The following ALB variants were observed in gnomAD, a reference collection of about 807,000 sequenced individuals.
ALB encodes the protein serum albumin.
In ALB, 37 loss-of-function variants were observed where a neutral mutation model predicts 74.5. The observed-to-expected ratio is 0.50, with a 90% confidence interval of 0.38 to 0.65. ALB has a LOEUF of 0.65. ALB is among the 30% of genes least tolerant of loss of function. ALB has a pLI of 0.00. For synonymous variants in ALB, 249 were observed against 251.6 expected, an observed-to-expected ratio of 0.99 and a Z score of 0.10; for missense variants, 685 against 718.7, an observed-to-expected ratio of 0.95 and a Z score of 0.54.
chr4:73,408,998 T>C, intron 4 of ALB, 193 bp downstream of exon 4: 1 of 610,344 alleles, frequency 1.6e-6, no homozygotes, highest in East Asian at 2.8e-5. Context: ...TCAAAGATAT[T>C]TTGAAGTTTA....
intron 8 of ALB, 21 bp downstream of exon 8, chr4:73,413,655 T>A (rs1718936540): frequency 1.2e-6 from 2 of 1,611,404 alleles, no homozygotes; most frequent in Non-Finnish European, 1.7e-6. Context: ...AAGAAATTAT[T>A]CTTTTATAGC....
In ALB at chr4:73,415,131, T is replaced by C. The variant is rs747830427; in HGVS notation, c.1155T>C (p.Cys385=). 4 of 1,614,162 alleles carry C rather than the reference T, an allele frequency of 2.5e-6. No homozygotes were observed. The highest frequency in any genetic ancestry group is 8.5e-7 in the Non-Finnish European group (1 of 1,180,018). The change falls in exon 9 of 15, where the codon TGT becomes TGC. Residue 385 remains cysteine (C), a synonymous_variant. Coordinates refer to ENST00000295897, the MANE Select transcript of ALB (RefSeq NM_000477.7). ...ATGAAACCACTCTAGAGAAGTGCTG[T>C]GCCGCTGCAGATCCTCATGAATGCT... The part of the protein sequence containing the change: ...KTYETTLEKC[C]AAADPHECYA...
chr4:73,417,618 C>T lies in ALB; in HGVS notation c.1377C>T (p.Ser459=). ...CAAGAAACCTAGGAAAAGTGGGCAG[C>T]AAATGTTGTAAACATCCTGAAGCAA... ...EVSRNLGKVG[S]KCCKHPEAKR... The change falls in exon 11 of 15, where the codon AGC becomes AGT. Residue 459 remains serine, a synonymous_variant. Coordinates refer to ENST00000295897, the MANE Select transcript of ALB (RefSeq NM_000477.7). 2 of 1,613,710 alleles carry T rather than the reference C, an allele frequency of 1.2e-6. No homozygotes were observed. The highest frequency in any genetic ancestry group is 1.7e-6 in the Non-Finnish European group (2 of 1,179,834).
At position 73,414,983 on chromosome 4, in the gene ALB, T is replaced by C. The variant is rs929671356; in HGVS notation, c.1059-52T>C. On this transcript the variant is annotated intron_variant, in intron 8 of 14. Coordinates refer to ENST00000295897, the MANE Select transcript of ALB (RefSeq NM_000477.7). ...TACTTTTGAGATTAGCTTTGTGATA[T>C]TTTTTGTGCTCATTTGTCCAACAAA... 8 of 1,599,114 alleles carry C rather than the reference T, an allele frequency of 5.0e-6. No homozygotes were observed. The African/African-American group carries it at 6.7e-5, about 13-fold the overall frequency.
In ALB at chr4:73,419,489, T is replaced by A; in HGVS notation, c.1653-18T>A. The A allele has an allele frequency of 6.2e-7, 1 of 1,607,886 alleles. No individual in the cohort carries two copies. The highest frequency in any genetic ancestry group is 8.5e-7 in the Non-Finnish European group (1 of 1,177,998). On this transcript the variant is annotated intron_variant, in intron 12 of 14. Transcript: ENST00000295897. Reference sequence around the variant, plus strand: ...TGTTTTTTCTGTTTTTTTTTTTTCTTTTTCCATTCAAACTCAGTGCACTTG... The same window carrying A: ...TGTTTTTTCTGTTTTTTTTTTTTCTATTTCCATTCAAACTCAGTGCACTTG...
chr4:73,413,622 T>C lies in ALB; in HGVS notation c.1046T>C (p.Val349Ala). The change falls in exon 8 of 15, where the codon GTC becomes GCC. Residue 349 changes from valine to alanine, a missense_variant. Val to Ala is a moderately conservative substitution (Grantham distance 64). Transcript: ENST00000295897. ...AAAAACTATGCTGAGGCAAAGGATG[T>C]CTTCCTGGGCATGTAAGTAGATAAG... ...VCKNYAEAKD[V>A]FLGMFLYEYA... is the part of the protein sequence containing the mutation. The C allele has an allele frequency of 6.2e-7, 1 of 1,614,034 alleles. No individual in the cohort carries two copies. The highest frequency in any genetic ancestry group is 2.2e-5 in the East Asian group (1 of 44,874).
chr4:73,413,756 T>G, intron 8 of ALB, 122 bp downstream of exon 8: 1 of 938,462 alleles, frequency 1.1e-6, no homozygotes, highest in Admixed American at 2.1e-5. Flanking sequence ...TTCTTCATCC[T>G]TCCCTTTCCC....
At chr4:73,415,248 A>G (rs1387780935) in intron 9 of ALB, 81 bp downstream of exon 9, 2 of 1,511,890 alleles carry the variant, frequency 1.3e-6, no homozygotes, top group African/African-American at 1.4e-5. Context: ...CAAGAATGTA[A>G]AATGATATAC....
rs1467772214 is a variant in ALB at position 73,419,614 on chromosome 4, A to G, written c.1760A>G (p.Asp587Gly). Residue 587 changes from aspartate (D) to glycine (G), a missense_variant, in exon 13 of 15, where the codon GAT becomes GGT. Transcript: ENST00000295897. The stretch of plus-strand genomic sequence containing the variant: ...GTAGAGAAGTGCTGCAAGGCTGACG[A>G]TAAGGAGACCTGCTTTGCCGAGGAG... ...AFVEKCCKADDKETCFAEEGK... is the reference protein window; with the variant it reads ...AFVEKCCKADGKETCFAEEGK... The G allele has an allele frequency of 1.9e-6, 3 of 1,614,086 alleles. No individual in the cohort carries two copies. Among genetic ancestry groups the G allele is most frequent in the Non-Finnish European group, 2.5e-6 (3 of 1,179,968 alleles).
rs1276240492 is a variant in ALB at position 73,421,338 on chromosome 4, C to G, written c.*270C>G. On this transcript the variant is annotated 3_prime_UTR_variant, in exon 15 of 15. Transcript: ENST00000295897. ...TAGGTTCTGTGGAAGTTCCAGTGTTCTCTCTTATTCCACTTCGGTAGAGGA... is the reference window on the plus strand; with the variant it reads ...TAGGTTCTGTGGAAGTTCCAGTGTTGTCTCTTATTCCACTTCGGTAGAGGA... The G allele has an allele frequency of 5.3e-6, 2 of 377,762 alleles. No individual in the cohort carries two copies. Among genetic ancestry groups the G allele is most frequent in the African/African-American group, 4.2e-5 (2 of 48,098 alleles). The allele number at this position is 377,762 out of a possible 1,614,324, so 23.4% of individuals were successfully genotyped here. A position where few individuals can be genotyped will look rare whatever the true frequency, so the allele number is the denominator to read the frequency against.
intron 8 of ALB, 29 bp downstream of exon 8, chr4:73,413,663 A>G (rs772973678): frequency 1.2e-6 from 2 of 1,607,934 alleles, no homozygotes; most frequent in East Asian, 2.2e-5. Context: ...ATTCTTTTAT[A>G]GCTTTGGCAT....
intron 13 of ALB, among the ~76,000 whole-genome samples, 158 bp from the exon 14 acceptor site, chr4:73,420,096 G>A (rs780093108): frequency 1.3e-5 from 2 of 152,076 alleles, no homozygotes; most frequent in Admixed American, 6.6e-5. Context: ...AACTATGTCC[G>A]TGAGCTTCCG....
At chr4:73,405,846 C>T (rs1718711916) in intron 2 of ALB, among the ~76,000 whole-genome samples, 2 of 152,042 alleles carry the variant, frequency 1.3e-5, no homozygotes, top group South Asian at 4.1e-4. Flanking sequence ...CCTCGGCCTC[C>T]CAAAGTGCTG....
At position 73,415,324 on chromosome 4, in the gene ALB, A is replaced by G. The variant is rs909766383; in HGVS notation, c.1191+157A>G. 1.2e-5 allele frequency: 11 copies of G among 906,194 alleles called. No individual in the cohort carries two copies. The Admixed American group carries it at 1.9e-4, about 15-fold the overall frequency. The allele number at this position is 906,194 out of a possible 1,614,324, so 56.1% of individuals were successfully genotyped here. Reference sequence around the variant, plus strand: ...GAATCTTAAACATGAAAGAAAAAGTAGCCTTAGAATGATTAACAAAATTTA... The same window carrying G: ...GAATCTTAAACATGAAAGAAAAAGTGGCCTTAGAATGATTAACAAAATTTA... On this transcript the variant is annotated intron_variant, in intron 9 of 14. Transcript: ENST00000295897.
At chr4:73,417,904 A>G (rs980082922) in intron 11 of ALB, 184 bp from the exon 12 acceptor site, 3 of 709,904 alleles carry the variant, frequency 4.2e-6, no homozygotes, top group Non-Finnish European at 7.1e-6. Context: ...GCTGGAGTGC[A>G]GTGGTGCCAT....
intron 1 of ALB, 145 bp from the exon 2 acceptor site, chr4:73,404,970 TC>T: frequency 1.4e-6 from 1 of 701,474 alleles, no homozygotes; most frequent in Non-Finnish European, 2.5e-6. Context: ...TTGAACATCA[TC>T]CTGAGTTTTT....
chr4:73,406,809 C>A (rs1021427237), intron 3 of ALB, 48 bp downstream of exon 3: 1 of 1,606,246 alleles, frequency 6.2e-7, no homozygotes, highest in Non-Finnish European at 8.5e-7. Context: ...TTGAAGTAAT[C>A]CCAAGCATTT....
At chr4:73,410,504 C>A in intron 6 of ALB, 95 bp downstream of exon 6, 1 of 897,778 alleles carries the variant, frequency 1.1e-6, no homozygotes, top group Non-Finnish European at 1.9e-6. Context: ...TTGCAAAGTG[C>A]TGTCAAATAC....
rs1197452932 is a variant in ALB at position 73,415,157 on chromosome 4, A to C, written c.1181A>C (p.Tyr394Ser). Residue 394 changes from tyrosine to serine, a missense_variant, in exon 9 of 15, where the codon TAT (tyrosine) becomes TCT (serine). Coordinates refer to ENST00000295897, the MANE Select transcript of ALB (RefSeq NM_000477.7). ...GCCGCTGCAGATCCTCATGAATGCT[A>C]TGCCAAAGTGGTAGGTTTATTGTTG... ...CCAAADPHEC[Y>S]AKVFDEFKPL... The C allele has an allele frequency of 6.2e-7, 1 of 1,614,168 alleles. No individual in the cohort carries two copies. The highest frequency in any genetic ancestry group is 1.7e-5 in the Admixed American group (1 of 60,012).
Sources: gnomAD v4.1 joint callset for allele counts (sites outside exome capture counted in the v4.1 genomes callset) on GRCh38, gnomAD v4.1.1 for gene constraint, MANE v1.5 for transcripts, NCBI Gene and HGNC (gene_info 2026-07-23, HGNC 2026-07-21) for gene names.